The following KCNJ15 variants were observed in gnomAD, a reference collection of about 807,000 sequenced individuals.
KCNJ15 encodes ATP-sensitive inward rectifier potassium channel 15.
KCNJ15 carries 14 observed loss-of-function variants against 23.0 expected under a neutral mutation model. That is an observed-to-expected ratio of 0.61 (90% CI 0.40 to 0.95). KCNJ15 has a LOEUF of 0.95. Among genes scored for constraint, KCNJ15 ranks in the 40% least tolerant of loss-of-function variants. The pLI is 0.00. For missense variants in KCNJ15, 388 were observed against 461.8 expected (o/e 0.84, Z 1.46); for synonymous variants, 185 against 183.2 (o/e 1.01, Z -0.08).
chr21:38,297,885 A>C (rs1163578517), intron 2 of KCNJ15, among the ~76,000 whole-genome samples: 1 of 152,254 alleles, frequency 6.6e-6, no homozygotes, highest in African/African-American at 2.4e-5. Context: ...AATGCCCAGC[A>C]GACCCATTGC....
chr21:38,288,964 C>G (rs1475230273), intron 1 of KCNJ15, among the ~76,000 whole-genome samples: 1 of 152,060 alleles, frequency 6.6e-6, no homozygotes, highest in South Asian at 2.1e-4. Flanking sequence ...CTTTGGGAGG[C>G]GGAGGCAGGC....
intron 1 of KCNJ15, among the ~76,000 whole-genome samples, chr21:38,260,885 G>T (rs1207892687): frequency 6.6e-6 from 1 of 152,120 alleles, no homozygotes; most frequent in Non-Finnish European, 1.5e-5. Context: ...GCAGGGATCC[G>T]CATAGAACCA....
intron 1 of KCNJ15, among the ~76,000 whole-genome samples, chr21:38,247,057 A>AATGGATGG (rs1234072753): frequency 1.3e-3 from 160 of 120,024 alleles, no homozygotes; most frequent in Middle Eastern, 5.2e-3. Context: ...TGGATGGGTG[A>AATGGATGG]ATGGATGGAT....
At chr21:38,236,128 A>G (rs144320094) in intron 1 of KCNJ15, among the ~76,000 whole-genome samples, 326 of 152,238 alleles carry the variant, frequency 2.1e-3, no homozygotes, top group African/African-American at 7.6e-3. Flanking sequence ...CTGCATCCCA[A>G]CCCCTCTGTT....
At chr21:38,291,528 A>G (rs1423157717) in intron 1 of KCNJ15, 1 of 152,352 alleles carries the variant, frequency 6.6e-6, no homozygotes, top group East Asian at 1.9e-4. Flanking sequence ...GACTTTCTCC[A>G]TTCCTTTGTT....
rs1981958559 is a variant in KCNJ15, at chr21:38,270,481, A to T, written c.-117+13296A>T. ...ACAGTGTGACTTGTCCAAAGTCACTAGCCCAGTTGCCTTTCAGAAGGCATC... is the reference window on the plus strand; with the variant it reads ...ACAGTGTGACTTGTCCAAAGTCACTTGCCCAGTTGCCTTTCAGAAGGCATC... On this transcript the variant is annotated intron_variant, in intron 1 of 2. Transcript: ENST00000398938. Among the ~76,000 whole-genome samples the T allele has an allele frequency of 1.3e-5, 2 of 152,206 alleles. 1 individual carries two copies. Among genetic ancestry groups the T allele is most frequent in the South Asian group, 4.1e-4 (2 of 4,832 alleles).
chr21:38,259,025 G>T (rs945661124), intron 1 of KCNJ15, among the ~76,000 whole-genome samples: 2 of 152,008 alleles, frequency 1.3e-5, no homozygotes, highest in African/African-American at 4.8e-5. Flanking sequence ...GTGTGTGTGC[G>T]CGTGTGTGTG....
chr21:38,252,579 G>A (rs1979911268), upstream of KCNJ15, among the ~76,000 whole-genome samples: 1 of 152,100 alleles, frequency 6.6e-6, no homozygotes, highest in African/African-American at 2.4e-5. Flanking sequence ...GGATTCTCCT[G>A]GCATTTTGAG....
rs1569025763 is a variant in KCNJ15, at chr21:38,301,968, A to ACACACACACACATGCACACACGCGCGTG, written c.*1587_*1614dup. 10 of 151,110 alleles carry ACACACACACACATGCACACACGCGCGTG rather than the reference A, an allele frequency of 6.6e-5. No individual in the cohort carries two copies. The highest frequency in any genetic ancestry group is 2.5e-4 in the African/African-American group (10 of 40,624). The allele number at this position is 151,110 out of a possible 1,614,324, so 9.4% of individuals were successfully genotyped here. ...CAAGCACACACACAGTCACACACGC[A>ACACACACACACATGCACACACGCGCGTG]CACACACACACATGCACACACGCGC... is the stretch of plus-strand genomic sequence containing the variant. On this transcript the variant is annotated 3_prime_UTR_variant, in exon 3 of 3. Transcript: ENST00000398938.
chr21:38,246,532 G>A (rs962975966), intron 1 of KCNJ15, among the ~76,000 whole-genome samples: 1 of 152,132 alleles, frequency 6.6e-6, no homozygotes, highest in Non-Finnish European at 1.5e-5. Flanking sequence ...TTCAAGAGAT[G>A]AGTTACAGTG....
intron 1 of KCNJ15, among the ~76,000 whole-genome samples, chr21:38,288,744 G>C (rs1228262652): frequency 2.0e-5 from 3 of 152,140 alleles, no homozygotes; most frequent in Non-Finnish European, 4.4e-5. Context: ...TGGAAGTATT[G>C]TAAATTATAT....
At chr21:38,250,721 T>C (rs1979767897) in intron 1 of KCNJ15, among the ~76,000 whole-genome samples, 1 of 152,220 alleles carries the variant, frequency 6.6e-6, no homozygotes, top group South Asian at 2.1e-4. Context: ...AGCTGAAATG[T>C]GTGATTGATC....
chr21:38,238,261 T>G (rs1978752873), intron 1 of KCNJ15: 3 of 665,680 alleles, frequency 4.5e-6, no homozygotes, highest in Non-Finnish European at 8.6e-6. Context: ...TTCACAGGGA[T>G]CCATGATGAG....
chr21:38,300,689 G>T lies in KCNJ15; in HGVS notation c.*300G>T. 1 of 303,260 alleles carries T rather than the reference G, an allele frequency of 3.3e-6. No individual in the cohort carries two copies. 18.8% of individuals were successfully genotyped at this position (303,260 alleles called of 1,614,324 possible). A position where few individuals can be genotyped will look rare whatever the true frequency, so the allele number is the denominator to read the frequency against. On this transcript the variant is annotated 3_prime_UTR_variant, in exon 3 of 3. Transcript: ENST00000398938. ...GGAATAATGTCCTGTTAGATAAACA[G>T]ACATTTAGCAATCCTGACATTAAAA...
rs755465441 is a variant in KCNJ15 at position 38,301,251 on chromosome 21, G to A, written c.*862G>A. On this transcript the variant is annotated 3_prime_UTR_variant, in exon 3 of 3. Coordinates refer to ENST00000398938, the MANE Select transcript of KCNJ15 (RefSeq NM_170736.3). ...ATGATTTGTGTACAAATGAAAGTTC[G>A]AAAGCTGTGCTCTGGACAGTGTTCT... The A allele has an allele frequency of 3.6e-5, 6 of 167,034 alleles. No homozygotes were observed. Among genetic ancestry groups the A allele is most frequent in the African/African-American group, 9.7e-5 (4 of 41,428 alleles). 10.3% of individuals were successfully genotyped at this position (167,034 alleles called of 1,614,324 possible).
At chr21:38,244,252 C>T (rs1422629702) in intron 1 of KCNJ15, among the ~76,000 whole-genome samples, 1 of 152,074 alleles carries the variant, frequency 6.6e-6, no homozygotes, top group African/African-American at 2.4e-5. Flanking sequence ...AGAATTGTAC[C>T]AGATTTGATG....
At chr21:38,254,244 A>C (rs2123588224), upstream of KCNJ15, among the ~76,000 whole-genome samples, 1 of 152,352 alleles carries the variant, frequency 6.6e-6, no homozygotes, top group African/African-American at 2.4e-5. Context: ...CGCGCATTTT[A>C]GAATTTCCCC....
Position 38,304,796 on chromosome 21 carries a change from C to T in KCNJ15, c.*4407C>T, listed in dbSNP as rs1985994066. 6.9e-6 allele frequency: 1 copy of T among 145,244 alleles called. No individual in the cohort carries two copies. The highest frequency in any genetic ancestry group is 1.5e-5 in the Non-Finnish European group (1 of 66,150). The allele number at this position is 145,244 out of a possible 1,614,324, so 9.0% of individuals were successfully genotyped here. A position where few individuals can be genotyped will look rare whatever the true frequency, so the allele number is the denominator to read the frequency against. On this transcript the variant is annotated 3_prime_UTR_variant, in exon 3 of 3. Transcript: ENST00000398938. ...GGTTCACGCCATTCTCTCCCTCAGC[C>T]TCCCGAGTAGCTGGGACTACAGGCG...
chr21:38,297,270 A>G (rs989788843), intron 2 of KCNJ15, among the ~76,000 whole-genome samples: 1 of 152,224 alleles, frequency 6.6e-6, no homozygotes, highest in African/African-American at 2.4e-5. Flanking sequence ...CTCTCAGCAG[A>G]AAGAGGAAAC....
Sources: gnomAD v4.1 joint callset for allele counts (sites outside exome capture counted in the v4.1 genomes callset) on GRCh38, gnomAD v4.1.1 for gene constraint, MANE v1.5 for transcripts, NCBI Gene and HGNC (gene_info 2026-07-23, HGNC 2026-07-21) for gene names.